The following RAB11FIP3 variants were observed in gnomAD, a reference collection of about 807,000 sequenced individuals.
RAB11FIP3 encodes the protein RAB11 family interacting protein 3.
In RAB11FIP3, 17 loss-of-function variants were observed where a neutral mutation model predicts 77.8. The observed-to-expected ratio is 0.22, with a 90% CI of 0.15 to 0.33. The LOEUF (loss-of-function observed/expected upper bound fraction) is 0.33, where lower values mean the gene tolerates loss of function less well. Ranked by LOEUF, RAB11FIP3 falls within the 10% of genes least tolerant of loss-of-function variation. The probability of loss-of-function intolerance (pLI) is 1.00; values close to 1 mark genes in which losing one functional copy is unlikely to be tolerated. For synonymous variants in RAB11FIP3, 437 were observed against 448.2 expected (o/e 0.98, Z 0.31); for missense variants, 1,005 against 1,011.2 (o/e 0.99, Z 0.08).
intron 1 of RAB11FIP3, among the ~76,000 whole-genome samples, chr16:433,082 G>A (rs1316491329): frequency 2.2e-5 from 2 of 92,308 alleles, no homozygotes; most frequent in Non-Finnish European, 4.1e-5. Context: ...TGCCCAGGCT[G>A]GAGTGCAGTG....
chr16:457,663 T>C (rs944632736), intron 1 of RAB11FIP3, among the ~76,000 whole-genome samples: 1 of 152,210 alleles, frequency 6.6e-6, no homozygotes, highest in Non-Finnish European at 1.5e-5. Flanking sequence ...TATACTTTGA[T>C]TCACTCTTGT....
At chr16:497,457 T>A (rs2031231817) in intron 6 of RAB11FIP3, 1 of 1,217,822 alleles carries the variant, frequency 8.2e-7, no homozygotes, top group African/African-American at 1.6e-5. Context: ...GAGTCTGCCT[T>A]TGTGTCTTTA....
intron 2 of RAB11FIP3, among the ~76,000 whole-genome samples, chr16:466,320 G>C (rs2055701508): frequency 1.3e-5 from 2 of 152,226 alleles, no homozygotes; most frequent in Admixed American, 1.3e-4. Flanking sequence ...GGGAACAGCA[G>C]TGGCCCCGGG....
chr16:492,423 C>CCCCCCGGGAGACCCGAGGCCG (rs2030503563), intron 5 of RAB11FIP3, among the ~76,000 whole-genome samples: 1 of 131,990 alleles, frequency 7.6e-6, no homozygotes, highest in Admixed American at 7.3e-5. Flanking sequence ...GCCCAGGGCC[C>CCCCCCGGGAGACCCGAGGCCG]TCCCCGGGAG....
chr16:426,331 G>A lies in RAB11FIP3; in HGVS notation c.325G>A (p.Gly109Arg), dbSNP rs1460204218. ...TGCGAGCCCCGACGCCCCGGGCCCA[G>A]GGCCGCGCTCCGAAGCGCCGCTTCC... ...QLASPDAPGP[G>R]PRSEAPLPEL... The change falls in exon 1 of 14, where the codon GGG becomes AGG. Residue 109 changes from glycine to arginine, a missense_variant. By Grantham distance (125) the Gly-to-Arg change is moderately radical. This residue lies in a region of RAB11FIP3 where 466 missense variants were observed against 408.3 expected (regional missense o/e 1.14). Coordinates refer to ENST00000262305, the MANE Select transcript of RAB11FIP3 (RefSeq NM_014700.4). The surrounding 1 kb of genome is among the most constrained non-coding windows in gnomAD (Gnocchi z 5.0). The A allele has an allele frequency of 2.0e-6, 3 of 1,481,210 alleles. No homozygotes were observed. Among genetic ancestry groups the A allele is most frequent in the Non-Finnish European group, 2.7e-6 (3 of 1,115,334 alleles). 91.8% of individuals were successfully genotyped at this position (1,481,210 alleles called of 1,614,324 possible).
chr16:471,486 G>A lies in RAB11FIP3; in HGVS notation c.903+97G>A, dbSNP rs974034192. On this transcript the variant is annotated intron_variant, in intron 3 of 13. Coordinates refer to ENST00000262305, the MANE Select transcript of RAB11FIP3 (RefSeq NM_014700.4). This position sits in a 1 kb window ranked among gnomAD's most constrained non-coding sequence, Gnocchi z 4.4. ...GCCTCCTGCCTCCGGGCTGTCTTCC[G>A]TAGAAGCTGGCGTGAAGGAAGGGCC... 2.1e-5 allele frequency: 23 copies of A among 1,092,502 alleles called. No homozygotes were observed. The East Asian group carries it at 3.6e-4, about 17-fold the overall frequency. 67.7% of individuals were successfully genotyped at this position (1,092,502 alleles called of 1,614,324 possible).
Position 520,879 on chromosome 16 carries a change from A to C in RAB11FIP3, c.*40A>C. 1 of 1,518,892 alleles carries C rather than the reference A, an allele frequency of 6.6e-7. No homozygotes were observed. The highest frequency in any genetic ancestry group is 1.1e-5 in the South Asian group (1 of 89,118). 94.1% of individuals were successfully genotyped at this position (1,518,892 alleles called of 1,614,324 possible). A position where few individuals can be genotyped will look rare whatever the true frequency, so the allele number is the denominator to read the frequency against. ...AGCCTGAGCTGGATTCGGGACTCCA[A>C]CACCCTGGAGTGGTTCCGTCAGACC... On this transcript the variant is annotated 3_prime_UTR_variant, in exon 14 of 14. Coordinates refer to ENST00000262305, the MANE Select transcript of RAB11FIP3 (RefSeq NM_014700.4).
chr16:442,453 T>C (rs2055243830), intron 1 of RAB11FIP3, among the ~76,000 whole-genome samples: 1 of 152,188 alleles, frequency 6.6e-6, no homozygotes, highest in Non-Finnish European at 1.5e-5. Flanking sequence ...GGGTTGCTAT[T>C]TCAGGAGGAG....
At chr16:445,935 G>A (rs1263526906) in intron 1 of RAB11FIP3, among the ~76,000 whole-genome samples, 1 of 152,158 alleles carries the variant, frequency 6.6e-6, no homozygotes, top group East Asian at 1.9e-4. Context: ...GCAGTCCTGA[G>A]GCTCAGGTGT....
chr16:519,785 C>T lies in RAB11FIP3; in HGVS notation c.1754C>T (p.Ser585Leu), dbSNP rs1355717512. 8 of 1,611,914 alleles carry T rather than the reference C, an allele frequency of 5.0e-6. No homozygotes were observed. Among genetic ancestry groups the T allele is most frequent in the Middle Eastern group, 1.7e-4 (1 of 6,008 alleles). ...EKQKLLDEIESLTLRLSEEQE... is the reference protein window; with the variant it reads ...EKQKLLDEIELLTLRLSEEQE... ...CAGAAGCTGTTGGATGAGATAGAGT[C>T]GCTGACGCTGCGGCTCAGTGAAGAG... is the stretch of plus-strand genomic sequence containing the variant. The change falls in exon 11 of 14, where the codon TCG (serine) becomes TTG (leucine). Residue 585 changes from serine to leucine, a missense_variant. Transcript: ENST00000262305.
chr16:520,718 C>A lies in RAB11FIP3; in HGVS notation c.2158-8C>A, dbSNP rs770320966. On this transcript the variant is annotated splice_region_variant and splice_polypyrimidine_tract_variant and intron_variant, in intron 13 of 13. Transcript: ENST00000262305. ...CGCCTCAGCTCTGACCACCTGCTTG[C>A]CCTACAGCTCATGGAGGCGATTCAG... 1.2e-6 allele frequency: 2 copies of A among 1,613,256 alleles called. No homozygotes were observed. The highest frequency in any genetic ancestry group is 2.7e-5 in the African/African-American group (2 of 74,912).
chr16:426,319 G>A lies in RAB11FIP3; in HGVS notation c.313G>A (p.Ala105Thr). The A allele has an allele frequency of 7.4e-7, 1 of 1,358,984 alleles. No individual in the cohort carries two copies. The highest frequency in any genetic ancestry group is 9.5e-7 in the Non-Finnish European group (1 of 1,051,846). 84.2% of individuals were successfully genotyped at this position (1,358,984 alleles called of 1,614,324 possible). ...GCGGGGGCAGCTTGCGAGCCCCGAC[G>A]CCCCGGGCCCAGGGCCGCGCTCCGA... ...GPRGQLASPD[A>T]PGPGPRSEAP... Residue 105 changes from alanine to threonine, a missense_variant, in exon 1 of 14, where the codon GCC becomes ACC. Around this residue, in one of 4 missense-constraint regions of RAB11FIP3, gnomAD observed 466 missense variants for 408.3 expected, o/e 1.14. Transcript: ENST00000262305. This position sits in a 1 kb window ranked among gnomAD's most constrained non-coding sequence, Gnocchi z 5.0.
intron 3 of RAB11FIP3, 36 bp from the exon 4 acceptor site, chr16:482,489 C>T (rs1444138786): frequency 6.3e-7 from 1 of 1,599,582 alleles, no homozygotes; most frequent in African/African-American, 1.3e-5. Flanking sequence ...CCCCTCCCAG[C>T]TTGTGCCCGC....
At chr16:465,888 A>C (rs2055693772) in intron 2 of RAB11FIP3, among the ~76,000 whole-genome samples, 1 of 152,192 alleles carries the variant, frequency 6.6e-6, no homozygotes, top group Non-Finnish European at 1.5e-5. Context: ...TACAGACGTG[A>C]GCCACCGCGC....
chr16:475,680 G>C (rs1246075846), intron 3 of RAB11FIP3, among the ~76,000 whole-genome samples: 1 of 152,108 alleles, frequency 6.6e-6, no homozygotes, highest in Non-Finnish European at 1.5e-5. Context: ...AGCCGGCCAG[G>C]GGCTCTGAGT....
intron 8 of RAB11FIP3, among the ~76,000 whole-genome samples, chr16:509,204 G>A (rs976379827): frequency 6.6e-6 from 1 of 152,206 alleles, no homozygotes; most frequent in African/African-American, 2.4e-5. Context: ...CATCTCAATC[G>A]GACTTTTAAA....
At chr16:431,590 G>A (rs1471819435) in intron 1 of RAB11FIP3, among the ~76,000 whole-genome samples, 1 of 151,920 alleles carries the variant, frequency 6.6e-6, no homozygotes. Flanking sequence ...GACTAGGCTG[G>A]TCTCGAACAC....
intron 1 of RAB11FIP3, among the ~76,000 whole-genome samples, chr16:441,065 C>T (rs561926970): frequency 2.0e-5 from 3 of 152,270 alleles, no homozygotes; most frequent in Non-Finnish European, 2.9e-5. Flanking sequence ...GTCTGCCTCC[C>T]GAGTAGCTGG....
intron 1 of RAB11FIP3, among the ~76,000 whole-genome samples, chr16:460,912 C>T (rs768207970): frequency 4.6e-5 from 7 of 152,200 alleles, no homozygotes; most frequent in African/African-American, 1.7e-4. Flanking sequence ...CCATGGAGGC[C>T]GTGCTGCCTC....
Sources: allele counts gnomAD v4.1 joint callset (sites outside exome capture counted in the v4.1 genomes callset), GRCh38; gene constraint gnomAD v4.1.1; regional missense constraint gnomAD v4.1.1; non-coding constraint Gnocchi (gnomAD v3.1); transcripts MANE v1.5; gene names NCBI Gene and HGNC (gene_info 2026-07-23, HGNC 2026-07-21).